OLFML1: variants seen among roughly 807,000 people sequenced by gnomAD.
OLFML1 encodes olfactomedin-like protein 1.
A neutral mutation model predicts 37.3 loss-of-function variants in OLFML1; 33 were observed. The observed-to-expected ratio is 0.88, with a 90% CI of 0.67 to 1.18. The LOEUF is 1.18. OLFML1 is among the 50% of genes most tolerant of loss of function. The probability of loss-of-function intolerance (pLI) is 0.00; values close to 1 mark genes in which losing one functional copy is unlikely to be tolerated. For synonymous variants in OLFML1, 186 were observed against 181.3 expected, an observed-to-expected ratio of 1.03 and a Z score of -0.21; for missense variants, 545 against 483.7, an observed-to-expected ratio of 1.13 and a Z score of -1.19.
At chr11:7,486,575 T>A (rs1031666136) in intron 1 of OLFML1, among the ~76,000 whole-genome samples, 3 of 152,196 alleles carry the variant, frequency 2.0e-5, no homozygotes, top group African/African-American at 7.2e-5. Context: ...TTCAGCCAAG[T>A]TAAACAGAAA....
Position 7,511,346 on chromosome 11 carries a change from G to A in OLFML1, c.*1158G>A, listed in dbSNP as rs1848858447. ...GACACTGAGCAAATAACCTCATCAG[G>A]TTATATTTGCCCACATACCCTAAGC... is the stretch of plus-strand genomic sequence containing the variant. On this transcript the variant is annotated 3_prime_UTR_variant, in exon 3 of 3. Transcript: ENST00000329293. The A allele has an allele frequency of 6.6e-6, 1 of 152,178 alleles. No homozygotes were observed. The highest frequency in any genetic ancestry group is 6.5e-5 in the Admixed American group (1 of 15,284). 9.4% of individuals were successfully genotyped at this position (152,178 alleles called of 1,614,324 possible).
In OLFML1 at chr11:7,509,890, T is replaced by C; in HGVS notation, c.911T>C (p.Val304Ala). Residue 304 changes from valine (V) to alanine (A), a missense_variant, in exon 3 of 3, where the codon GTG becomes GCG. By Grantham distance (64) the Val-to-Ala change is moderately conservative (BLOSUM62 0). Coordinates refer to ENST00000329293, the MANE Select transcript of OLFML1 (RefSeq NM_198474.4). ...LTKIEPGTLG[V>A]EHSWDTPCRS... ...AAGATTGAGCCGGGCACACTGGGAG[T>C]GGAGCATTCATGGGATACCCCATGC... 1 of 1,614,096 alleles carries C rather than the reference T, an allele frequency of 6.2e-7. No homozygotes were observed. Among genetic ancestry groups the C allele is most frequent in the Non-Finnish European group, 8.5e-7 (1 of 1,180,016 alleles).
intron 1 of OLFML1, among the ~76,000 whole-genome samples, chr11:7,486,917 G>A (rs988961561): frequency 1.3e-5 from 2 of 152,214 alleles, no homozygotes; most frequent in Admixed American, 6.5e-5. Context: ...CCAACAGGCT[G>A]GGGCCTGGAG....
In OLFML1 at chr11:7,488,306, A is replaced by G. The variant is rs762029378; in HGVS notation, c.309A>G (p.Gln103=). ...ERAQREIDYI[Q]YLREADECIE... is the part of the protein sequence containing the mutation. ...CCCAACGGGAGATTGACTACATACA[A>G]TACCTTCGAGAGGCTGACGAGTGCA... is the stretch of plus-strand genomic sequence containing the variant. The change falls in exon 2 of 3, where the codon CAA becomes CAG. Residue 103 remains glutamine (Q), a synonymous_variant. Transcript: ENST00000329293. 6.2e-7 allele frequency: 1 copy of G among 1,614,176 alleles called. No individual in the cohort carries two copies. The highest frequency in any genetic ancestry group is 8.5e-7 in the Non-Finnish European group (1 of 1,180,008).
chr11:7,500,799 C>A (rs1243968021), intron 2 of OLFML1, among the ~76,000 whole-genome samples: 1 of 151,120 alleles, frequency 6.6e-6, no homozygotes. Flanking sequence ...TTTGGGAGGC[C>A]AAGGCCAGGA....
At chr11:7,504,313 G>A (rs1184241650) in intron 2 of OLFML1, among the ~76,000 whole-genome samples, 1 of 152,142 alleles carries the variant, frequency 6.6e-6, no homozygotes, top group African/African-American at 2.4e-5. Flanking sequence ...GAACAAGGTG[G>A]AGAAGTTGTA....
intron 2 of OLFML1, among the ~76,000 whole-genome samples, chr11:7,507,214 C>T (rs567363502): frequency 1.8e-4 from 27 of 152,254 alleles, no homozygotes; most frequent in Non-Finnish European, 2.8e-4. Context: ...GTAACTCCTT[C>T]GTTTTACTTC....
chr11:7,507,872 A>G (rs1337374439), intron 2 of OLFML1, among the ~76,000 whole-genome samples: 1 of 152,148 alleles, frequency 6.6e-6, no homozygotes, highest in Non-Finnish European at 1.5e-5. Flanking sequence ...ACTCCTCCAA[A>G]ACTTAATTAC....
In OLFML1 at chr11:7,485,786, G is replaced by T; in HGVS notation, c.-90G>T. 7.5e-7 allele frequency: 1 copy of T among 1,326,610 alleles called. No homozygotes were observed. The allele number at this position is 1,326,610 out of a possible 1,614,324, so 82.2% of individuals were successfully genotyped here. A position where few individuals can be genotyped will look rare whatever the true frequency, so the allele number is the denominator to read the frequency against. On this transcript the variant is annotated 5_prime_UTR_variant, in exon 1 of 3. Transcript: ENST00000329293. ...TTTTTAGAGGATTTGCCACAGCAGC[G>T]GATAGAGCAGGAGAGCACCACCGGA...
chr11:7,485,732 G>A lies in OLFML1; in HGVS notation c.-144G>A. 2.5e-6 allele frequency: 2 copies of A among 804,780 alleles called. No homozygotes were observed. The highest frequency in any genetic ancestry group is 2.0e-6 in the Non-Finnish European group (1 of 495,290). The allele number at this position is 804,780 out of a possible 1,614,324, so 49.9% of individuals were successfully genotyped here. A position where few individuals can be genotyped will look rare whatever the true frequency, so the allele number is the denominator to read the frequency against. Reference sequence around the variant, plus strand: ...CACGTATCGGGTGGAATAACAAGCGGACTTTGCTCTCTGCTGTGCAAAACG... The same window carrying A: ...CACGTATCGGGTGGAATAACAAGCGAACTTTGCTCTCTGCTGTGCAAAACG... On this transcript the variant is annotated 5_prime_UTR_variant, in exon 1 of 3. Coordinates refer to ENST00000329293, the MANE Select transcript of OLFML1 (RefSeq NM_198474.4).
Position 7,510,101 on chromosome 11 carries a change from C to T in OLFML1, c.1122C>T (p.Asn374=), listed in dbSNP as rs1455170431. 5.6e-6 allele frequency: 9 copies of T among 1,614,192 alleles called. No homozygotes were observed. Among genetic ancestry groups the T allele is most frequent in the Non-Finnish European group, 7.6e-6 (9 of 1,180,024 alleles). Reference sequence around the variant, plus strand: ...GAAGTCACTCCATGATCCATTACAACCCCAGAGATAAGCAGCTCTATGCCT... The same window carrying T: ...GAAGTCACTCCATGATCCATTACAATCCCAGAGATAAGCAGCTCTATGCCT... The part of the protein sequence containing the change: ...RPRSHSMIHY[N]PRDKQLYAWN... Residue 374 remains asparagine, a synonymous_variant, in exon 3 of 3, where the codon AAC becomes AAT. Transcript: ENST00000329293.
At position 7,488,196 on chromosome 11, in the gene OLFML1, A is replaced by G. The variant is rs1848548662; in HGVS notation, c.199A>G (p.Ile67Val). The G allele has an allele frequency of 1.9e-6, 3 of 1,613,780 alleles. No homozygotes were observed. The highest frequency in any genetic ancestry group is 2.2e-5 in the South Asian group (2 of 91,062). Residue 67 changes from isoleucine to valine, a missense_variant, in exon 2 of 3, where the codon ATA becomes GTA. Coordinates refer to ENST00000329293, the MANE Select transcript of OLFML1 (RefSeq NM_198474.4). The stretch of plus-strand genomic sequence containing the variant: ...AGAATTCCAAGAGTTCTCAAAAAAT[A>G]TATCTGTCATGCTGGGAAGATGTCA... ...IQEFQEFSKN[I>V]SVMLGRCQTY...
chr11:7,491,364 C>T (rs1341756435), intron 2 of OLFML1, among the ~76,000 whole-genome samples: 1 of 152,156 alleles, frequency 6.6e-6, no homozygotes, highest in Non-Finnish European at 1.5e-5. Context: ...ATACTGACAT[C>T]TTCTTTTCTG....
At position 7,509,644 on chromosome 11, in the gene OLFML1, A is replaced by G. The variant is rs1848829955; in HGVS notation, c.665A>G (p.Lys222Arg). ...SWQGTGQVIY[K>R]GFLFFHNQAT... is the part of the protein sequence containing the mutation. ...CAGGGAACAGGCCAAGTGATCTACA[A>G]AGGTTTTCTATTTTTTCATAACCAA... The change falls in exon 3 of 3, where the codon AAA becomes AGA. Residue 222 changes from lysine (K) to arginine (R), a missense_variant. By Grantham distance (26) the Lys-to-Arg change is conservative. Coordinates refer to ENST00000329293, the MANE Select transcript of OLFML1 (RefSeq NM_198474.4). The G allele has an allele frequency of 6.2e-7, 1 of 1,614,078 alleles. No individual in the cohort carries two copies. The highest frequency in any genetic ancestry group is 1.7e-5 in the Admixed American group (1 of 60,004).
intron 1 of OLFML1, 150 bp downstream of exon 1, chr11:7,486,154 C>G: frequency 3.9e-6 from 3 of 761,486 alleles, no homozygotes; most frequent in Non-Finnish European, 4.2e-6. Context: ...CATAGTCTGG[C>G]AGTTTAGAGC....
intron 2 of OLFML1, among the ~76,000 whole-genome samples, chr11:7,506,477 T>C (rs1385689597): frequency 1.3e-5 from 2 of 152,182 alleles, no homozygotes; most frequent in Admixed American, 6.5e-5. Flanking sequence ...GGAGTTAATC[T>C]GCTGTTGGTG....
At chr11:7,497,143 C>T (rs1848672856) in intron 2 of OLFML1, among the ~76,000 whole-genome samples, 1 of 152,126 alleles carries the variant, frequency 6.6e-6, no homozygotes, top group Admixed American at 6.5e-5. Flanking sequence ...CCTTTACAGT[C>T]ATAAAAATTA....
intron 2 of OLFML1, among the ~76,000 whole-genome samples, chr11:7,507,816 G>A (rs1053703077): frequency 6.6e-6 from 1 of 152,130 alleles, no homozygotes; most frequent in African/African-American, 2.4e-5. Context: ...CAAAGTGCTG[G>A]GATTACAGGT....
At chr11:7,496,970 C>T (rs1318591820) in intron 2 of OLFML1, among the ~76,000 whole-genome samples, 1 of 152,110 alleles carries the variant, frequency 6.6e-6, no homozygotes, top group Non-Finnish European at 1.5e-5. Flanking sequence ...GTCTAGGCTG[C>T]AGTGAGCCTT....
Sources: allele counts gnomAD v4.1 joint callset (sites outside exome capture counted in the v4.1 genomes callset), GRCh38; gene constraint gnomAD v4.1.1; transcripts MANE v1.5; gene names NCBI Gene and HGNC (gene_info 2026-07-23, HGNC 2026-07-21).